The following SNX14 variants were observed in gnomAD, a reference collection of about 807,000 sequenced individuals.
SNX14 encodes sorting nexin-14.
Under a neutral mutation model 133.8 loss-of-function variants are expected in SNX14, and 93 were observed. The observed-to-expected ratio is 0.70, with a 90% CI of 0.59 to 0.83. The LOEUF is 0.83. Among genes scored for constraint, SNX14 ranks in the 40% least tolerant of loss-of-function variants. SNX14 has a pLI of 0.00. For missense variants in SNX14, 945 were observed against 1,094.9 expected (o/e 0.86, Z 1.93); for synonymous variants, 368 against 365.6 (o/e 1.01, Z -0.07).
chr6:85,569,098 G>T (rs1457826213), intron 4 of SNX14, among the ~76,000 whole-genome samples: 2 of 152,092 alleles, frequency 1.3e-5, no homozygotes, highest in Admixed American at 6.5e-5. Context: ...AAGTAGCTGG[G>T]ATTATAGGCA....
At chr6:85,582,282 G>T (rs968197225) in intron 1 of SNX14, among the ~76,000 whole-genome samples, 1 of 152,100 alleles carries the variant, frequency 6.6e-6, no homozygotes, top group African/African-American at 2.4e-5. Context: ...AAACATGAAG[G>T]AGAAATAAGG....
rs905649506 is a variant in SNX14 at position 85,539,798 on chromosome 6, C to T, written c.1449-934G>A. Among the ~76,000 whole-genome samples the T allele has an allele frequency of 9.9e-5, 15 of 151,868 alleles. 1 individual carries two copies. Among genetic ancestry groups the T allele is most frequent in the African/African-American group, 3.4e-4 (14 of 41,424 alleles). ...CCAGAATGAAAAGAACCCATATAAC[C>T]TGTCTTTTTTATATTTTAAAGCCAA... On this transcript the variant is annotated intron_variant, in intron 15 of 28. Transcript: ENST00000314673.
chr6:85,562,033 T>C (rs1791817102), intron 6 of SNX14, among the ~76,000 whole-genome samples: 2 of 152,192 alleles, frequency 1.3e-5, no homozygotes, highest in Admixed American at 1.3e-4. Context: ...CCATGTCTAT[T>C]GCTTCCTTCT....
intron 1 of SNX14, among the ~76,000 whole-genome samples, chr6:85,580,445 C>T (rs1163982819): frequency 6.6e-6 from 1 of 152,142 alleles, no homozygotes; most frequent in East Asian, 1.9e-4. Flanking sequence ...ACTTCTTCTG[C>T]TTCAAAAAAG....
intron 21 of SNX14, among the ~76,000 whole-genome samples, chr6:85,524,921 T>G (rs1012797260): frequency 6.6e-6 from 1 of 152,190 alleles, no homozygotes; most frequent in Non-Finnish European, 1.5e-5. Context: ...CTACCATTTA[T>G]TTAATTGAAT....
intron 4 of SNX14, among the ~76,000 whole-genome samples, chr6:85,569,519 C>T (rs935085525): frequency 5.9e-5 from 9 of 152,160 alleles, no homozygotes; most frequent in Non-Finnish European, 7.4e-5. Flanking sequence ...CCAGTGTACC[C>T]TATGAGTCAC....
At chr6:85,508,257 G>T in intron 26 of SNX14, 198 bp from the exon 27 acceptor site, 3 of 1,124,872 alleles carry the variant, frequency 2.7e-6, no homozygotes, top group African/African-American at 1.7e-5. Context: ...GCAGTATCAT[G>T]TATCCCATTT....
At chr6:85,566,654 C>T (rs1479278552) in intron 5 of SNX14, among the ~76,000 whole-genome samples, 6 of 150,836 alleles carry the variant, frequency 4.0e-5, no homozygotes, top group African/African-American at 7.3e-5. Context: ...GCTGAGGTCG[C>T]GCCACTGCAC....
At chr6:85,540,254 G>A (rs148481775) in intron 15 of SNX14, among the ~76,000 whole-genome samples, 275 of 152,268 alleles carry the variant, frequency 1.8e-3, no homozygotes, top group Non-Finnish European at 3.3e-3. Context: ...GAGCCATCAC[G>A]CCCGGCCATC....
At chr6:85,577,758 C>T (rs1797783764) in intron 1 of SNX14, among the ~76,000 whole-genome samples, 2 of 151,692 alleles carry the variant, frequency 1.3e-5, no homozygotes, top group Non-Finnish European at 2.9e-5. Flanking sequence ...AACCAAGGGT[C>T]GAGTCATAAA....
chr6:85,568,877 T>A (rs1375674680), intron 4 of SNX14, among the ~76,000 whole-genome samples: 3 of 152,174 alleles, frequency 2.0e-5, no homozygotes, highest in Admixed American at 2.0e-4. Context: ...GAACGAGTTA[T>A]CATTAAACAT....
chr6:85,544,029 C>T (rs1178057666), intron 12 of SNX14, among the ~76,000 whole-genome samples: 4 of 152,070 alleles, frequency 2.6e-5, no homozygotes, highest in African/African-American at 9.7e-5. Flanking sequence ...AAACACACTT[C>T]TAATAGTTTC....
At chr6:85,593,463 T>TC (rs1256307909) in intron 1 of SNX14, 116 bp downstream of exon 1, 2 of 1,415,986 alleles carry the variant, frequency 1.4e-6, no homozygotes. Flanking sequence ...GAGCTCGCTC[T>TC]CCCCACTGGT....
chr6:85,536,672 G>C, intron 17 of SNX14, 120 bp downstream of exon 17: 1 of 859,694 alleles, frequency 1.2e-6, no homozygotes, highest in Non-Finnish European at 1.7e-6. Context: ...GAAGATAAAG[G>C]TAAAGTATTA....
chr6:85,545,657 T>A (rs1381807924), intron 12 of SNX14, among the ~76,000 whole-genome samples: 5 of 152,200 alleles, frequency 3.3e-5, no homozygotes, highest in Non-Finnish European at 7.4e-5. Flanking sequence ...TACAATGGAA[T>A]ACCACTCAGC....
In SNX14 at chr6:85,513,804, A is replaced by G; in HGVS notation, c.2649T>C (p.Ile883=). The G allele has an allele frequency of 6.2e-7, 1 of 1,602,178 alleles. No individual in the cohort carries two copies. Among genetic ancestry groups the G allele is most frequent in the South Asian group, 1.1e-5 (1 of 90,598 alleles). ...KQTFEEMMNY[I]PDLLVKCIGE... Reference sequence around the variant, plus strand: ...GTTACTTCTTAAATATTACACCTGGAATGTAATTCATCATTTCTTCAAAAG... The same window carrying G: ...GTTACTTCTTAAATATTACACCTGGGATGTAATTCATCATTTCTTCAAAAG... Residue 883 remains isoleucine, a synonymous_variant, in exon 26 of 29, where the codon ATT becomes ATC. Transcript: ENST00000314673.
In SNX14 at chr6:85,513,227, C is replaced by T. The variant is rs543460249; in HGVS notation, c.2653+573G>A. On this transcript the variant is annotated intron_variant, in intron 26 of 28. Coordinates refer to ENST00000314673, the MANE Select transcript of SNX14 (RefSeq NM_153816.6). ...CGTCACAGTTAAGAGGTTACTACCA[C>T]TCATTTCCTTAGTGGCCCAAACCTA... 6.6e-5 allele frequency among the ~76,000 whole-genome samples: 10 copies of T among 152,318 alleles called. No individual in the cohort carries two copies. In the South Asian group the frequency reaches 2.1e-3, roughly 32 times the overall value.
intron 6 of SNX14, among the ~76,000 whole-genome samples, chr6:85,558,859 T>C (rs1365168385): frequency 6.6e-6 from 1 of 151,256 alleles, no homozygotes; most frequent in Non-Finnish European, 1.5e-5. Flanking sequence ...TTTTTCAACC[T>C]AAAGGCTAGA....
At chr6:85,542,913 T>C (rs968392387) in intron 14 of SNX14, among the ~76,000 whole-genome samples, 2 of 152,024 alleles carry the variant, frequency 1.3e-5, no homozygotes, top group Non-Finnish European at 2.9e-5. Context: ...ATTACAGGCA[T>C]GTGCCACCAC....
Sources: gnomAD v4.1 joint callset for allele counts (sites outside exome capture counted in the v4.1 genomes callset) on GRCh38, gnomAD v4.1.1 for gene constraint, MANE v1.5 for transcripts, NCBI Gene and HGNC (gene_info 2026-07-23, HGNC 2026-07-21) for gene names.